The following NTM variants were observed in gnomAD, a reference collection of about 807,000 sequenced individuals.
The protein encoded by NTM is IgLON family member 2.
Under a neutral mutation model 42.1 loss-of-function variants are expected in NTM, and 13 were observed. That is an observed-to-expected ratio of 0.31 (90% confidence interval 0.20 to 0.49). The LOEUF is 0.49. Ranked by LOEUF, NTM falls within the 20% of genes least tolerant of loss-of-function variation. NTM has a pLI of 0.99. For missense variants in NTM, 373 were observed against 452.8 expected (o/e 0.82, Z 1.60); for synonymous variants, 187 against 179.2 (o/e 1.04, Z -0.35).
At chr11:132,301,741 T>C (rs796801117) in intron 4 of NTM, among the ~76,000 whole-genome samples, 14 of 152,314 alleles carry the variant, frequency 9.2e-5, no homozygotes, top group African/African-American at 3.4e-4. Context: ...CTGCTAGTCA[T>C]GGGATATGGG....
At chr11:131,800,091 G>C (rs912075275) in intron 1 of NTM, among the ~76,000 whole-genome samples, 6 of 152,190 alleles carry the variant, frequency 3.9e-5, no homozygotes, top group Admixed American at 3.3e-4. Flanking sequence ...CCCACACATA[G>C]TGCCAAGCCA....
intron 2 of NTM, among the ~76,000 whole-genome samples, chr11:131,962,609 G>A (rs2134533481): frequency 6.6e-6 from 1 of 152,320 alleles, no homozygotes; most frequent in African/African-American, 2.4e-5. Context: ...AAACCCTGAG[G>A]AACAAATGTT....
chr11:132,162,374 G>A (rs2074476779), intron 3 of NTM, among the ~76,000 whole-genome samples: 2 of 149,518 alleles, frequency 1.3e-5, no homozygotes, highest in Admixed American at 1.3e-4. Context: ...GACTGCGTGA[G>A]TGTGTGTATG....
At chr11:131,712,138 T>G (rs1271426717) in intron 1 of NTM, among the ~76,000 whole-genome samples, 2 of 93,296 alleles carry the variant, frequency 2.1e-5, no homozygotes, top group African/African-American at 4.2e-5. Flanking sequence ...ATAATAATAA[T>G]AAAATAAAAA....
At chr11:132,124,022 C>A (rs925016933) in intron 2 of NTM, among the ~76,000 whole-genome samples, 1 of 152,120 alleles carries the variant, frequency 6.6e-6, no homozygotes, top group African/African-American at 2.4e-5. Context: ...AGTTTCAGTT[C>A]CCTTGCAGGT....
intron 1 of NTM, among the ~76,000 whole-genome samples, chr11:131,372,952 C>T (rs911556118): frequency 1.3e-5 from 2 of 152,148 alleles, no homozygotes; most frequent in Non-Finnish European, 2.9e-5. Flanking sequence ...GTGGTGGCGA[C>T]AGCACTATCT....
At chr11:131,551,801 C>T (rs1000507290) in intron 1 of NTM, among the ~76,000 whole-genome samples, 1 of 152,256 alleles carries the variant, frequency 6.6e-6, no homozygotes, top group Non-Finnish European at 1.5e-5. Flanking sequence ...AACCCTAGTC[C>T]TCAGGTAACT....
intron 1 of NTM, among the ~76,000 whole-genome samples, chr11:131,381,803 T>A (rs2135525493): frequency 6.6e-6 from 1 of 152,282 alleles, no homozygotes; most frequent in Admixed American, 6.5e-5. Flanking sequence ...CAGAATCACC[T>A]CTGGAGATTG....
intron 1 of NTM, among the ~76,000 whole-genome samples, chr11:131,790,544 G>A (rs756097013): frequency 2.0e-5 from 3 of 152,290 alleles, no homozygotes; most frequent in Non-Finnish European, 4.4e-5. Context: ...TGCATCCCAT[G>A]TATTCAGCCC....
intron 1 of NTM, among the ~76,000 whole-genome samples, chr11:131,479,974 T>C (rs1953384244): frequency 6.6e-6 from 1 of 152,232 alleles, no homozygotes; most frequent in Non-Finnish European, 1.5e-5. Flanking sequence ...TCAGTATTAC[T>C]GATTTTTCCT....
intron 2 of NTM, among the ~76,000 whole-genome samples, chr11:132,010,573 A>G (rs2071922593): frequency 6.7e-6 from 1 of 150,018 alleles, no homozygotes; most frequent in Admixed American, 6.6e-5. Context: ...GTCCTGTCTT[A>G]TCTTGGCATT....
intron 2 of NTM, among the ~76,000 whole-genome samples, chr11:131,935,730 A>G (rs1468166614): frequency 1.3e-5 from 2 of 152,136 alleles, no homozygotes; most frequent in African/African-American, 4.8e-5. Flanking sequence ...TATATTTTTA[A>G]TTAGGACCTC....
rs188018588 is a variant in NTM at position 131,565,733 on chromosome 11, C to T, written c.82+194845C>T. On this transcript the variant is annotated intron_variant, in intron 1 of 8. Coordinates refer to ENST00000683400, the MANE Select transcript of NTM (RefSeq NM_001352005.2). ...AGATGTCTGAGAAATCTGCAAAGGG[C>T]CCTGAGATCCTGTGGGGACTCTGCC... 2.0e-5 allele frequency among the ~76,000 whole-genome samples: 3 copies of T among 152,280 alleles called. No individual in the cohort carries two copies. In the East Asian group the frequency reaches 5.8e-4, roughly 29 times the overall value.
At chr11:131,382,481 G>T (rs1942809187) in intron 1 of NTM, among the ~76,000 whole-genome samples, 2 of 151,950 alleles carry the variant, frequency 1.3e-5, no homozygotes, top group South Asian at 4.2e-4. Flanking sequence ...TAGTTATAAA[G>T]TTATCATCAC....
chr11:132,240,134 TGGA>T (rs1219756973), intron 4 of NTM, among the ~76,000 whole-genome samples: 1 of 152,198 alleles, frequency 6.6e-6, no homozygotes, highest in East Asian at 1.9e-4. Flanking sequence ...CTGGTAAAGC[TGGA>T]AAAACAAGTA....
At chr11:131,627,222 TA>T (rs766067897) in intron 1 of NTM, among the ~76,000 whole-genome samples, 3,136 of 146,848 alleles carry the variant, frequency 0.021, 94 homozygotes, top group African/African-American at 0.052. Context: ...GGCTTTTATT[TA>T]TTTATTTTTT....
chr11:132,009,036 G>A (rs1291340585), intron 2 of NTM, among the ~76,000 whole-genome samples: 1 of 152,090 alleles, frequency 6.6e-6, no homozygotes, highest in African/African-American at 2.4e-5. Context: ...TCAGCGCTGT[G>A]GGGAATGTGT....
intron 3 of NTM, among the ~76,000 whole-genome samples, chr11:132,154,754 C>T (rs916283805): frequency 1.3e-5 from 2 of 152,196 alleles, no homozygotes; most frequent in African/African-American, 4.8e-5. Flanking sequence ...GAGGTGTCAC[C>T]ACTTGGAGTG....
intron 1 of NTM, among the ~76,000 whole-genome samples, chr11:131,521,800 C>G (rs1238481482): frequency 6.6e-6 from 1 of 152,054 alleles, no homozygotes. Flanking sequence ...CAAAAGGACT[C>G]TGTGCATATA....
Sources: gnomAD v4.1 joint callset for allele counts (sites outside exome capture counted in the v4.1 genomes callset) on GRCh38, gnomAD v4.1.1 for gene constraint, MANE v1.5 for transcripts, NCBI Gene and HGNC (gene_info 2026-07-23, HGNC 2026-07-21) for gene names.